LANCL3: variants seen among roughly 807,000 people sequenced by gnomAD.
The protein encoded by LANCL3 is LanC like family member 3, also known as lanC-like protein 3.
A neutral mutation model predicts 26.5 loss-of-function variants in LANCL3; 19 were observed. That is an observed-to-expected ratio of 0.72 (90% CI 0.50 to 1.05). LANCL3 has a LOEUF of 1.05. Among genes scored for constraint, LANCL3 ranks in the 50% least tolerant of loss-of-function variants. LANCL3 has a pLI of 0.00. For missense variants in LANCL3, 318 were observed against 362.7 expected, an observed-to-expected ratio of 0.88 and a Z score of 1.00; for synonymous variants, 160 against 166.6, an observed-to-expected ratio of 0.96 and a Z score of 0.30.
rs61330091 is a variant in LANCL3, at chrX:37,584,296, T to C, written c.573+11853T>C. On this transcript the variant is annotated intron_variant, in intron 1 of 4. Coordinates refer to ENST00000378619, the MANE Select transcript of LANCL3 (RefSeq NM_001170331.2). Reference sequence around the variant, plus strand: ...AAAATTCTCTTTTCTTGTTTTGTTTTTGCCAGGCTTTGGTGTCAGGATGAT... The same window carrying C: ...AAAATTCTCTTTTCTTGTTTTGTTTCTGCCAGGCTTTGGTGTCAGGATGAT... Among the ~76,000 whole-genome samples, 395 of 103,039 alleles carry C rather than the reference T, an allele frequency of 3.8e-3. 6 individuals carry two copies. Among genetic ancestry groups the C allele is most frequent in the African/African-American group, 0.015 (359 of 23,386 alleles). The allele number at this position is 103,039 out of a possible 115,157, so 89.5% of individuals were successfully genotyped here.
At chrX:37,573,006 TA>T (rs782023423) in intron 1 of LANCL3, among the ~76,000 whole-genome samples, 1 of 112,091 alleles carries the variant, frequency 8.9e-6, no homozygotes, top group African/African-American at 3.2e-5. Flanking sequence ...GTGTCCCCTT[TA>T]AAAATACATA....
intron 1 of LANCL3, among the ~76,000 whole-genome samples, chrX:37,654,594 T>C (rs941806102): frequency 3.6e-5 from 4 of 111,904 alleles, no homozygotes; most frequent in African/African-American, 1.3e-4. Context: ...GCCTGGAATG[T>C]AGTAGAGGCT....
At chrX:37,627,324 A>G (rs141093308) in intron 1 of LANCL3, among the ~76,000 whole-genome samples, 1 of 111,529 alleles carries the variant, frequency 9.0e-6, no homozygotes, top group East Asian at 2.8e-4. Flanking sequence ...TTTCAGCGAG[A>G]TCTGAACTGA....
intron 1 of LANCL3, among the ~76,000 whole-genome samples, chrX:37,618,534 T>C (rs1480833849): frequency 8.9e-6 from 1 of 112,040 alleles, no homozygotes; most frequent in African/African-American, 3.2e-5. Flanking sequence ...GTTGGCAGGG[T>C]TGGTCCCTCC....
intron 3 of LANCL3, among the ~76,000 whole-genome samples, chrX:37,660,886 A>G (rs1444662091): frequency 1.8e-5 from 2 of 110,837 alleles, no homozygotes; most frequent in African/African-American, 6.6e-5. Flanking sequence ...ACATTTACCT[A>G]TGGAAGGAAG....
intron 1 of LANCL3, among the ~76,000 whole-genome samples, chrX:37,611,860 A>C (rs73631188): frequency 0.092 from 10,345 of 112,164 alleles, 949 homozygotes; most frequent in African/African-American, 0.29. Context: ...GTGACATAGA[A>C]TGTGAAATGA....
chrX:37,667,155 A>G, intron 3 of LANCL3, 127 bp from the exon 4 acceptor site: 1 of 340,822 alleles, frequency 2.9e-6, no homozygotes, highest in Non-Finnish European at 4.9e-6. Flanking sequence ...CCACATCAGA[A>G]CTACAATATT....
chrX:37,652,228 A>C (rs1569469063), intron 1 of LANCL3, among the ~76,000 whole-genome samples: 1 of 109,821 alleles, frequency 9.1e-6, no homozygotes, highest in African/African-American at 3.3e-5. Flanking sequence ...TGTAGGTAGG[A>C]CTCTTGCCTT....
intron 1 of LANCL3, among the ~76,000 whole-genome samples, chrX:37,640,503 C>T (rs1484530938): frequency 5.4e-5 from 6 of 111,723 alleles, no homozygotes; most frequent in African/African-American, 1.3e-4. Context: ...AGAGCCAAAC[C>T]GTATCAAATG....
chrX:37,585,464 A>T (rs1924039243), intron 1 of LANCL3, among the ~76,000 whole-genome samples: 1 of 111,857 alleles, frequency 8.9e-6, no homozygotes, highest in African/African-American at 3.3e-5. Flanking sequence ...GACTTGCTTT[A>T]TGAATCTGGG....
intron 1 of LANCL3, among the ~76,000 whole-genome samples, chrX:37,646,693 G>T (rs1306249835): frequency 9.0e-6 from 1 of 111,483 alleles, no homozygotes. Context: ...GCCACGTGGT[G>T]GTATCTCTTT....
intron 1 of LANCL3, among the ~76,000 whole-genome samples, chrX:37,572,760 C>A (rs1288044997): frequency 4.5e-5 from 5 of 111,989 alleles, no homozygotes; most frequent in African/African-American, 1.6e-4. Flanking sequence ...ATGAAAACCT[C>A]AGAAATGGAA....
chrX:37,672,154 A>G (rs1926698407), intron 4 of LANCL3, among the ~76,000 whole-genome samples: 1 of 111,110 alleles, frequency 9.0e-6, no homozygotes, highest in Admixed American at 9.6e-5. Context: ...TTCAAGTTTA[A>G]TTTTGTTATT....
chrX:37,572,987 C>T (rs1192386916), intron 1 of LANCL3, among the ~76,000 whole-genome samples: 1 of 112,056 alleles, frequency 8.9e-6, no homozygotes, highest in Non-Finnish European at 1.9e-5. Context: ...AAATGCATAT[C>T]TGATAGGAGT....
chrX:37,623,329 C>G (rs1556422587), intron 1 of LANCL3, among the ~76,000 whole-genome samples: 1 of 111,696 alleles, frequency 9.0e-6, no homozygotes, highest in Non-Finnish European at 1.9e-5. Flanking sequence ...TTCAGCCTTT[C>G]TGTAGTAGAA....
At chrX:37,647,186 C>T (rs1049909629) in intron 1 of LANCL3, among the ~76,000 whole-genome samples, 70 of 110,297 alleles carry the variant, frequency 6.3e-4, no homozygotes, top group Admixed American at 6.2e-3. Flanking sequence ...TGGTGGCAGG[C>T]GCCTGTAGTC....
intron 1 of LANCL3, among the ~76,000 whole-genome samples, chrX:37,577,411 TAC>T (rs2146705035): frequency 8.9e-6 from 1 of 112,825 alleles, no homozygotes; most frequent in East Asian, 2.8e-4. Context: ...AGGATGATGA[TAC>T]TTTTGAAACA....
At chrX:37,639,436 A>G (rs781913381) in intron 1 of LANCL3, among the ~76,000 whole-genome samples, 2 of 108,930 alleles carry the variant, frequency 1.8e-5, no homozygotes, top group African/African-American at 3.3e-5. Context: ...TTCTCTTTAC[A>G]TATTAAACAT....
At chrX:37,662,139 G>T (rs1449213874) in intron 3 of LANCL3, among the ~76,000 whole-genome samples, 2 of 112,023 alleles carry the variant, frequency 1.8e-5, no homozygotes, top group Non-Finnish European at 3.8e-5. Context: ...TTCCTCAAGA[G>T]CTTTGTGAAC....
Sources: allele counts gnomAD v4.1 joint callset (sites outside exome capture counted in the v4.1 genomes callset), GRCh38; gene constraint gnomAD v4.1.1; transcripts MANE v1.5; gene names NCBI Gene and HGNC (gene_info 2026-07-23, HGNC 2026-07-21).